EYS: variants seen among roughly 807,000 people sequenced by gnomAD.
The protein encoded by EYS is protein eyes shut homolog.
EYS carries 250 observed loss-of-function variants against 282.1 expected under a neutral mutation model. The observed-to-expected ratio is 0.89, with a 90% CI of 0.80 to 0.98. The LOEUF (loss-of-function observed/expected upper bound fraction) is 0.98. EYS is among the 50% of genes least tolerant of loss of function. The pLI is 0.00. For synonymous variants in EYS, 1,355 were observed against 1,282.9 expected, an observed-to-expected ratio of 1.06 and a Z score of -1.20; for missense variants, 4,016 against 3,709.0, an observed-to-expected ratio of 1.08 and a Z score of -2.15.
At chr6:64,543,065 T>A (rs1237958210) in intron 26 of EYS, among the ~76,000 whole-genome samples, 1 of 152,148 alleles carries the variant, frequency 6.6e-6, no homozygotes, top group Non-Finnish European at 1.5e-5. Context: ...TGAGTAGATG[T>A]TGGCTTTCAC....
intron 26 of EYS, among the ~76,000 whole-genome samples, chr6:64,448,238 C>T (rs565950798): frequency 6.8e-4 from 104 of 152,322 alleles, no homozygotes; most frequent in African/African-American, 2.3e-3. Flanking sequence ...AGGTCCTATG[C>T]CCACGGAGCC....
intron 35 of EYS, among the ~76,000 whole-genome samples, chr6:63,942,261 A>G (rs946116207): frequency 3.9e-5 from 6 of 152,220 alleles, no homozygotes; most frequent in Non-Finnish European, 8.8e-5. Flanking sequence ...TGTGAAGGCC[A>G]TTAAACCTAA....
chr6:64,987,945 T>C (rs1431277553), intron 14 of EYS, among the ~76,000 whole-genome samples: 1 of 151,504 alleles, frequency 6.6e-6, no homozygotes, highest in Non-Finnish European at 1.5e-5. Flanking sequence ...AATATACTTA[T>C]TGTATTAAAT....
intron 12 of EYS, among the ~76,000 whole-genome samples, chr6:65,126,856 G>T (rs1046224082): frequency 5.3e-5 from 8 of 152,126 alleles, no homozygotes; most frequent in Non-Finnish European, 1.2e-4. Flanking sequence ...CTAGGAGCTA[G>T]ATTGGATTAT....
intron 26 of EYS, among the ~76,000 whole-genome samples, chr6:64,553,015 T>C (rs528038626): frequency 1.0e-3 from 150 of 149,302 alleles, no homozygotes; most frequent in South Asian, 3.7e-3. Flanking sequence ...TGTCCCGACT[T>C]TCTGTACAGA....
chr6:64,449,224 A>C (rs1775227490), intron 26 of EYS, among the ~76,000 whole-genome samples: 1 of 152,162 alleles, frequency 6.6e-6, no homozygotes, highest in Non-Finnish European at 1.5e-5. Flanking sequence ...AGCCTCAGTA[A>C]CCAATGCAAT....
chr6:65,196,029 C>G (rs540501698), intron 12 of EYS, among the ~76,000 whole-genome samples: 27 of 152,090 alleles, frequency 1.8e-4, no homozygotes, highest in African/African-American at 6.3e-4. Flanking sequence ...CTTGACACAA[C>G]CTGTTTTGAA....
At chr6:64,423,384 A>T (rs1019955978) in intron 28 of EYS, among the ~76,000 whole-genome samples, 1 of 152,226 alleles carries the variant, frequency 6.6e-6, no homozygotes, top group Non-Finnish European at 1.5e-5. Context: ...CCAGCTAAAC[A>T]TTTTAACTAT....
chr6:65,694,390 TA>T (rs1172491694), intron 1 of EYS, among the ~76,000 whole-genome samples: 4 of 124,132 alleles, frequency 3.2e-5, no homozygotes, highest in African/African-American at 4.9e-5. Flanking sequence ...TGATTCTTCA[TA>T]TTTTTTTTTT....
intron 19 of EYS, among the ~76,000 whole-genome samples, chr6:64,850,470 AT>A (rs1765849441): frequency 6.6e-6 from 1 of 152,082 alleles, no homozygotes; most frequent in Non-Finnish European, 1.5e-5. Flanking sequence ...GAAATGAGAT[AT>A]GGTAGAAGTT....
chr6:64,866,304 A>C (rs1278642951), intron 19 of EYS, among the ~76,000 whole-genome samples: 2 of 151,938 alleles, frequency 1.3e-5, no homozygotes, highest in African/African-American at 4.8e-5. Context: ...GTCCTACTAC[A>C]GTTGATTAAT....
intron 12 of EYS, among the ~76,000 whole-genome samples, chr6:65,157,301 G>T (rs1038549313): frequency 4.6e-5 from 7 of 150,766 alleles, no homozygotes; most frequent in African/African-American, 1.5e-4. Flanking sequence ...GATACATTAG[G>T]TCATGTTATG....
intron 24 of EYS, among the ~76,000 whole-genome samples, chr6:64,594,215 T>C (rs1451529597): frequency 6.6e-6 from 1 of 152,186 alleles, no homozygotes; most frequent in Non-Finnish European, 1.5e-5. Flanking sequence ...AGATGATTCC[T>C]AATGTTAGAT....
rs897582236 is a variant in EYS, at chr6:65,153,386, T to C, written c.2024-95659A>G. ...AAATGTGTGTGTGTGTGTGTGTGTG[T>C]GTGTGTGTGTGTGTGTGTGTGTGTG... On this transcript the variant is annotated intron_variant, in intron 12 of 42. Coordinates refer to ENST00000503581, the MANE Select transcript of EYS (RefSeq NM_001142800.2). Among the ~76,000 whole-genome samples, 22 of 150,846 alleles carry C rather than the reference T, an allele frequency of 1.5e-4. 1 individual carries two copies. The highest frequency in any genetic ancestry group is 1.5e-4 in the Non-Finnish European group (10 of 67,612).
At chr6:64,126,817 A>G (rs536291637) in intron 31 of EYS, among the ~76,000 whole-genome samples, 1 of 151,760 alleles carries the variant, frequency 6.6e-6, no homozygotes, top group East Asian at 1.9e-4. Flanking sequence ...AAATATATAT[A>G]CACATATATT....
intron 31 of EYS, among the ~76,000 whole-genome samples, chr6:64,108,905 T>C (rs1299828147): frequency 6.6e-6 from 1 of 152,138 alleles, no homozygotes; most frequent in Admixed American, 6.6e-5. Context: ...GATAATGTAT[T>C]TTGACCTTAA....
intron 41 of EYS, among the ~76,000 whole-genome samples, chr6:63,738,506 A>G (rs1412894428): frequency 6.8e-6 from 1 of 147,226 alleles, no homozygotes; most frequent in Non-Finnish European, 1.5e-5. Flanking sequence ...CAAACACCCC[A>G]TATTCTCACT....
chr6:65,491,408 T>C (rs758066374), intron 4 of EYS: 14 of 313,680 alleles, frequency 4.5e-5, no homozygotes, highest in Non-Finnish European at 7.6e-5. Flanking sequence ...AGTGGACAAA[T>C]GCTGTTACAA....
chr6:64,114,856 G>A (rs1054742590), intron 31 of EYS, among the ~76,000 whole-genome samples: 2 of 152,034 alleles, frequency 1.3e-5, no homozygotes, highest in Non-Finnish European at 2.9e-5. Context: ...TCCAGGGGAG[G>A]GAGATGCTGC....
Sources: allele counts gnomAD v4.1 joint callset (sites outside exome capture counted in the v4.1 genomes callset), GRCh38; gene constraint gnomAD v4.1.1; transcripts MANE v1.5; gene names NCBI Gene and HGNC (gene_info 2026-07-23, HGNC 2026-07-21).